Variants in MAGI2 observed in about 807,000 individuals in gnomAD.
MAGI2 encodes the protein membrane associated guanylate kinase, WW and PDZ domain containing 2, also known as membrane-associated guanylate kinase, WW and PDZ domain-containing protein 2.
Under a neutral mutation model 133.3 loss-of-function variants are expected in MAGI2, and 35 were observed. The ratio of observed to expected loss-of-function variants is 0.26; its 90% CI spans 0.20 to 0.35. MAGI2 has a LOEUF of 0.35. Ranked by LOEUF, MAGI2 falls within the 10% of genes least tolerant of loss-of-function variation. MAGI2 has a pLI of 1.00. For synonymous variants in MAGI2, 729 were observed against 710.6 expected (o/e 1.03, Z -0.41); for missense variants, 1,636 against 1,863.4 (o/e 0.88, Z 2.25).
chr7:78,766,992 C>CT (rs5885095), intron 2 of MAGI2, among the ~76,000 whole-genome samples: 6,705 of 143,532 alleles, frequency 0.047, 184 homozygotes, highest in African/African-American at 0.063. Flanking sequence ...TAATAAAGTT[C>CT]TTTTTTTTTT....
At chr7:78,027,214 A>G (rs1584873739) in intron 21 of MAGI2, among the ~76,000 whole-genome samples, 1 of 152,198 alleles carries the variant, frequency 6.6e-6, no homozygotes, top group African/African-American at 2.4e-5. Flanking sequence ...ACTTCCATCT[A>G]AAGTGATTGT....
At chr7:78,925,467 C>T (rs1799622455) in intron 2 of MAGI2, among the ~76,000 whole-genome samples, 1 of 152,028 alleles carries the variant, frequency 6.6e-6, no homozygotes, top group Non-Finnish European at 1.5e-5. Flanking sequence ...ATTCATCTTG[C>T]TATTCCCCTT....
intron 2 of MAGI2, among the ~76,000 whole-genome samples, chr7:78,737,526 C>CT (rs1821980739): frequency 6.6e-6 from 1 of 152,110 alleles, no homozygotes; most frequent in Non-Finnish European, 1.5e-5. Flanking sequence ...TAAAATACTC[C>CT]TTCCTTTTCC....
intron 6 of MAGI2, among the ~76,000 whole-genome samples, chr7:78,467,295 C>T (rs1790732026): frequency 6.6e-6 from 1 of 152,076 alleles, no homozygotes; most frequent in Non-Finnish European, 1.5e-5. Flanking sequence ...AACAGCTATG[C>T]CTTGGCCCCT....
intron 2 of MAGI2, among the ~76,000 whole-genome samples, chr7:78,766,340 G>C (rs1825026088): frequency 6.6e-6 from 1 of 152,182 alleles, no homozygotes; most frequent in African/African-American, 2.4e-5. Flanking sequence ...TGGTGTATTA[G>C]AGAGATTGTC....
chr7:78,735,167 C>A (rs998844970), intron 2 of MAGI2, among the ~76,000 whole-genome samples: 1 of 152,116 alleles, frequency 6.6e-6, no homozygotes, highest in African/African-American at 2.4e-5. Context: ...AGTAGTTCTG[C>A]CATTTTTTTA....
At chr7:78,243,332 C>T (rs62463878) in intron 10 of MAGI2, among the ~76,000 whole-genome samples, 9,160 of 150,548 alleles carry the variant, frequency 0.061, 380 homozygotes, top group Non-Finnish European at 0.092. Flanking sequence ...GTGGGTAAAC[C>T]GTATATGGTG....
intron 6 of MAGI2, among the ~76,000 whole-genome samples, chr7:78,380,304 G>A (rs1794807107): frequency 6.6e-6 from 1 of 151,878 alleles, no homozygotes; most frequent in Admixed American, 6.6e-5. Context: ...TACCAAGAAG[G>A]AAGCAATAGT....
intron 2 of MAGI2, among the ~76,000 whole-genome samples, chr7:78,725,656 G>A (rs964687065): frequency 9.9e-5 from 15 of 152,190 alleles, no homozygotes; most frequent in Non-Finnish European, 1.9e-4. Flanking sequence ...AAAATTAGCC[G>A]GGCGTGGTGG....
intron 1 of MAGI2, among the ~76,000 whole-genome samples, chr7:79,405,482 A>T (rs1845743983): frequency 6.6e-6 from 1 of 152,144 alleles, no homozygotes; most frequent in South Asian, 2.1e-4. Context: ...AGTGATCCTT[A>T]TTAATACTTA....
In MAGI2 at chr7:78,584,577, C is replaced by T. The variant is rs143227994; in HGVS notation, c.538+42543G>A. Among the ~76,000 whole-genome samples the T allele has an allele frequency of 2.3e-4, 35 of 152,186 alleles. No individual in the cohort carries two copies. In the East Asian group the frequency reaches 4.1e-3, roughly 18 times the overall value. Reference sequence around the variant, plus strand: ...TGGCATCAGCACAGTGCAGAGCACACGAAACATATGTGTGATGAAGACCAA... The same window carrying T: ...TGGCATCAGCACAGTGCAGAGCACATGAAACATATGTGTGATGAAGACCAA... On this transcript the variant is annotated intron_variant, in intron 3 of 21. Coordinates refer to ENST00000354212, the MANE Select transcript of MAGI2 (RefSeq NM_012301.4).
intron 1 of MAGI2, among the ~76,000 whole-genome samples, chr7:79,025,485 A>ACCC (rs748618535): frequency 2.6e-5 from 4 of 152,130 alleles, no homozygotes; most frequent in Admixed American, 6.6e-5. Context: ...CTCCACATGT[A>ACCC]CCCCTGAGCC....
intron 2 of MAGI2, among the ~76,000 whole-genome samples, chr7:78,841,915 C>T (rs74483934): frequency 1.3e-5 from 2 of 151,930 alleles, no homozygotes; most frequent in African/African-American, 4.8e-5. Context: ...CCCTGCACCT[C>T]ACCTATGGCA....
At chr7:78,848,920 A>C (rs916333162) in intron 2 of MAGI2, among the ~76,000 whole-genome samples, 9 of 152,110 alleles carry the variant, frequency 5.9e-5, no homozygotes, top group Admixed American at 2.0e-4. Flanking sequence ...CTCCATGAGA[A>C]CAAAGACTCA....
At chr7:78,636,639 A>C (rs1809679616) in intron 2 of MAGI2, among the ~76,000 whole-genome samples, 1 of 152,096 alleles carries the variant, frequency 6.6e-6, no homozygotes, top group Non-Finnish European at 1.5e-5. Context: ...TCCACTAAAA[A>C]TACAAAAAAT....
chr7:78,846,649 C>G lies in MAGI2; in HGVS notation c.418+160441G>C, dbSNP rs1350374753. Among the ~76,000 whole-genome samples, 4 of 152,006 alleles carry G rather than the reference C, an allele frequency of 2.6e-5. No homozygotes were observed. The South Asian group carries it at 8.3e-4, about 32-fold the overall frequency. ...CTAAAATTCATTCAGCTTATTTATC[C>G]TAGCACTACTGTTTATTAAACTGCC... On this transcript the variant is annotated intron_variant, in intron 2 of 21. Coordinates refer to ENST00000354212, the MANE Select transcript of MAGI2 (RefSeq NM_012301.4).
At chr7:78,302,448 A>C (rs546843059) in intron 9 of MAGI2, among the ~76,000 whole-genome samples, 67 of 152,308 alleles carry the variant, frequency 4.4e-4, no homozygotes, top group African/African-American at 1.5e-3. Flanking sequence ...CCTAAAACAT[A>C]CTTTATATAG....
chr7:78,983,550 T>A (rs1047539014), intron 2 of MAGI2, among the ~76,000 whole-genome samples: 1 of 151,856 alleles, frequency 6.6e-6, no homozygotes, highest in Non-Finnish European at 1.5e-5. Context: ...CTAAAACACT[T>A]ATGCCAATAA....
chr7:79,224,620 G>C (rs1468532039), intron 1 of MAGI2, among the ~76,000 whole-genome samples: 2 of 152,024 alleles, frequency 1.3e-5, no homozygotes, highest in East Asian at 3.8e-4. Context: ...TCCATCAATG[G>C]AATACCACTC....
Sources: gnomAD v4.1 joint callset for allele counts (sites outside exome capture counted in the v4.1 genomes callset) on GRCh38, gnomAD v4.1.1 for gene constraint, MANE v1.5 for transcripts, NCBI Gene and HGNC (gene_info 2026-07-23, HGNC 2026-07-21) for gene names.